Variants in TENM3 observed in about 807,000 individuals in gnomAD.
TENM3 encodes teneurin-3.
In TENM3, 63 loss-of-function variants were observed where a neutral mutation model predicts 255.1. The ratio of observed to expected loss-of-function variants is 0.25; its 90% confidence interval spans 0.20 to 0.30. The LOEUF (loss-of-function observed/expected upper bound fraction) is 0.30. Ranked by LOEUF, TENM3 falls within the 10% of genes least tolerant of loss-of-function variation. TENM3 has a pLI of 1.00. For synonymous variants in TENM3, 1,306 were observed against 1,322.3 expected (o/e 0.99, Z 0.27); for missense variants, 2,929 against 3,461.1 (o/e 0.85, Z 3.86).
chr4:181,489,079 G>A, the TENM3 span, among the ~76,000 whole-genome samples: 5 of 152,160 alleles, frequency 3.3e-5, no homozygotes, highest in Non-Finnish European at 7.3e-5. Context: ...GAAATTGGCA[G>A]GGTGCTGAGA....
At chr4:182,201,617 C>T (rs974598317) in intron 1 of TENM3, among the ~76,000 whole-genome samples, 9 of 150,650 alleles carry the variant, frequency 6.0e-5, no homozygotes, top group East Asian at 2.0e-4. Flanking sequence ...GTGGGGGCAG[C>T]GGCTGGCCAG....
intron 24 of TENM3, among the ~76,000 whole-genome samples, chr4:182,786,939 G>T (rs1765708311): frequency 6.6e-6 from 1 of 152,138 alleles, no homozygotes; most frequent in South Asian, 2.1e-4. Context: ...CATTTAAATT[G>T]TGCAAAACCT....
the TENM3 span, among the ~76,000 whole-genome samples, chr4:181,682,874 G>C: frequency 1.3e-5 from 2 of 151,914 alleles, no homozygotes; most frequent in Non-Finnish European, 2.9e-5. Context: ...ACCCAACCAA[G>C]AGGGCAGTGC....
the TENM3 span, among the ~76,000 whole-genome samples, chr4:181,923,552 A>C: frequency 6.6e-6 from 1 of 152,196 alleles, no homozygotes; most frequent in Admixed American, 6.6e-5. Flanking sequence ...ATTTTTATTA[A>C]GTGGCTTATC....
intron 1 of TENM3, among the ~76,000 whole-genome samples, chr4:182,279,229 G>T (rs145077201): frequency 1.3e-5 from 2 of 151,950 alleles, no homozygotes; most frequent in East Asian, 3.9e-4. Flanking sequence ...TTCTGTGTGC[G>T]CTTTTAAAAT....
chr4:181,754,130 T>A, the TENM3 span, among the ~76,000 whole-genome samples: 1 of 152,202 alleles, frequency 6.6e-6, no homozygotes, highest in Non-Finnish European at 1.5e-5. Flanking sequence ...TTCCATCAAG[T>A]AACTAGACTG....
intron 3 of TENM3, among the ~76,000 whole-genome samples, chr4:182,490,558 GA>G (rs1292807422): frequency 1.3e-5 from 2 of 152,096 alleles, no homozygotes; most frequent in African/African-American, 2.4e-5. Context: ...GATTCCAGGG[GA>G]AAAAATGGTT....
chr4:182,743,566 AAAGTT>A (rs1198514910), intron 19 of TENM3, 147 bp downstream of exon 19: 2 of 887,124 alleles, frequency 2.3e-6, no homozygotes, highest in Admixed American at 2.8e-5. Flanking sequence ...ATTCTTGCTT[AAAGTT>A]AAGAGAAGCA....
chr4:182,673,543 G>C (rs191612680), intron 7 of TENM3, among the ~76,000 whole-genome samples: 1 of 152,134 alleles, frequency 6.6e-6, no homozygotes, highest in Admixed American at 6.6e-5. Context: ...GATAATTTCC[G>C]ATGATCTTAT....
At chr4:181,611,383 C>T in the TENM3 span, among the ~76,000 whole-genome samples, 10 of 152,150 alleles carry the variant, frequency 6.6e-5, no homozygotes, top group African/African-American at 1.7e-4. Context: ...GTGACTTTAC[C>T]GACTGTGTCA....
At chr4:181,719,817 C>T in the TENM3 span, among the ~76,000 whole-genome samples, 2 of 152,136 alleles carry the variant, frequency 1.3e-5, no homozygotes, top group African/African-American at 4.8e-5. Context: ...CCTTGATGCT[C>T]GTTAAAATGA....
the TENM3 span, among the ~76,000 whole-genome samples, chr4:182,058,792 C>T: frequency 6.6e-6 from 1 of 152,052 alleles, no homozygotes; most frequent in Non-Finnish European, 1.5e-5. Flanking sequence ...ATGTTCCTTT[C>T]CCTTTCTGAA....
intron 1 of TENM3, among the ~76,000 whole-genome samples, chr4:182,181,891 G>GT (rs56082218): frequency 0.28 from 40,277 of 144,058 alleles, 5,542 homozygotes; most frequent in Admixed American, 0.4. Context: ...CTAATGTCCT[G>GT]TTTTTTTTTT....
chr4:182,440,143 C>T (rs956378306), intron 3 of TENM3, among the ~76,000 whole-genome samples: 3 of 136,708 alleles, frequency 2.2e-5, no homozygotes, highest in East Asian at 4.3e-4. Flanking sequence ...GACGGAGTCT[C>T]GCTCTGTTGC....
the TENM3 span, among the ~76,000 whole-genome samples, chr4:181,547,038 C>T: frequency 6.6e-6 from 1 of 152,076 alleles, no homozygotes. Flanking sequence ...TGATCCTACC[C>T]CCATTTTTTA....
chr4:181,635,310 T>C, the TENM3 span, among the ~76,000 whole-genome samples: 4 of 152,216 alleles, frequency 2.6e-5, no homozygotes, highest in African/African-American at 7.2e-5. Context: ...TACTCTGCAG[T>C]GAAAATAAAC....
the TENM3 span, among the ~76,000 whole-genome samples, chr4:182,079,177 C>G: frequency 6.6e-6 from 1 of 152,122 alleles, no homozygotes; most frequent in Admixed American, 6.6e-5. Context: ...TGGAGGGTAG[C>G]TTGATATTGA....
At chr4:182,045,641 T>C in the TENM3 span, among the ~76,000 whole-genome samples, 7 of 151,484 alleles carry the variant, frequency 4.6e-5, no homozygotes, top group African/African-American at 1.7e-4. Flanking sequence ...GAAATAACTA[T>C]TTAAGGCAGA....
chr4:181,777,469 T>C, the TENM3 span, among the ~76,000 whole-genome samples: 1 of 152,142 alleles, frequency 6.6e-6, no homozygotes. Context: ...TTGATGGAGA[T>C]TGCATTGAGT....
Sources: gnomAD v4.1 joint callset for allele counts (sites outside exome capture counted in the v4.1 genomes callset) on GRCh38, gnomAD v4.1.1 for gene constraint, MANE v1.5 for transcripts, NCBI Gene and HGNC (gene_info 2026-07-23, HGNC 2026-07-21) for gene names.